The following RABGAP1L variants were observed in gnomAD, a reference collection of about 807,000 sequenced individuals.
The protein encoded by RABGAP1L is rab GTPase-activating protein 1-like.
In RABGAP1L, 63 loss-of-function variants were observed where a neutral mutation model predicts 137.7. The ratio of observed to expected loss-of-function variants is 0.46; its 90% CI spans 0.37 to 0.56. RABGAP1L has a LOEUF of 0.56. Ranked by LOEUF, RABGAP1L falls within the 20% of genes least tolerant of loss-of-function variation. The pLI, the probability that RABGAP1L is intolerant of heterozygous loss-of-function variation, is 0.00. For synonymous variants in RABGAP1L, 431 were observed against 433.7 expected (o/e 0.99, Z 0.08); for missense variants, 1,095 against 1,244.0 (o/e 0.88, Z 1.80).
intron 1 of RABGAP1L, among the ~76,000 whole-genome samples, chr1:174,183,504 A>G (rs1484599479): frequency 6.6e-6 from 1 of 152,242 alleles, no homozygotes; most frequent in Non-Finnish European, 1.5e-5. Flanking sequence ...AAGTACAGAC[A>G]GTTCCTGCAT....
chr1:174,375,006 T>G (rs1025349750), intron 12 of RABGAP1L, among the ~76,000 whole-genome samples: 2 of 152,176 alleles, frequency 1.3e-5, no homozygotes, highest in African/African-American at 4.8e-5. Context: ...TCTTGATTCT[T>G]AGATGAAATT....
intron 13 of RABGAP1L, among the ~76,000 whole-genome samples, chr1:174,406,982 C>T (rs1193567654): frequency 6.6e-6 from 1 of 152,182 alleles, no homozygotes; most frequent in Admixed American, 6.5e-5. Context: ...TTGACATTAG[C>T]ACATATTTCT....
In RABGAP1L at chr1:174,548,047, G is replaced by A. The variant is rs528924511; in HGVS notation, c.1711-89328G>A. ...ACACCAACTTATTAAGAGGCTTAATGCCTGTTAAATGCGTCAGTGCTCTTG... is the reference window on the plus strand; with the variant it reads ...ACACCAACTTATTAAGAGGCTTAATACCTGTTAAATGCGTCAGTGCTCTTG... On this transcript the variant is annotated intron_variant, in intron 13 of 25. Coordinates refer to ENST00000681986, the MANE Select transcript of RABGAP1L (RefSeq NM_001366446.1). 7.1e-6 allele frequency: 11 copies of A among 1,550,488 alleles called. No homozygotes were observed. In the South Asian group the frequency reaches 1.2e-4, roughly 17 times the overall value.
At chr1:174,674,362 T>C (rs1251009665) in intron 14 of RABGAP1L, among the ~76,000 whole-genome samples, 1 of 150,572 alleles carries the variant, frequency 6.6e-6, no homozygotes, top group Non-Finnish European at 1.5e-5. Flanking sequence ...CTTGCGATAG[T>C]TTACTGAGAA....
At chr1:174,643,997 C>G (rs1414109615) in intron 14 of RABGAP1L, among the ~76,000 whole-genome samples, 1 of 151,622 alleles carries the variant, frequency 6.6e-6, no homozygotes, top group African/African-American at 2.4e-5. Context: ...ACCCTTTACT[C>G]ACAAGATTTC....
intron 13 of RABGAP1L, among the ~76,000 whole-genome samples, chr1:174,552,013 T>C (rs977003919): frequency 1.3e-5 from 2 of 152,198 alleles, no homozygotes; most frequent in Admixed American, 6.5e-5. Flanking sequence ...TATTTAACCA[T>C]TGAAGAAATT....
In RABGAP1L at chr1:174,761,158, A is replaced by C. The variant is rs1045284398; in HGVS notation, c.2211+8804A>C. 5.9e-5 allele frequency among the ~76,000 whole-genome samples: 9 copies of C among 152,254 alleles called. No individual in the cohort carries two copies. The highest frequency in any genetic ancestry group is 1.3e-4 in the Admixed American group (2 of 15,292). ...AGGACGGCAAGGAGGAGCAAGTCAC[A>C]TCCAACATGGATGGCAGCAGACAAA... On this transcript the variant is annotated intron_variant, in intron 18 of 25. Coordinates refer to ENST00000681986, the MANE Select transcript of RABGAP1L (RefSeq NM_001366446.1). The surrounding 1 kb of genome is among the most constrained non-coding windows in gnomAD (Gnocchi z 4.0).
At chr1:174,812,130 G>A (rs1689934331) in intron 19 of RABGAP1L, among the ~76,000 whole-genome samples, 170 bp downstream of exon 19, 2 of 152,172 alleles carry the variant, frequency 1.3e-5, no homozygotes, top group African/African-American at 4.8e-5. Flanking sequence ...GTGTATAGTA[G>A]CTGTACCTTC....
At chr1:174,910,515 A>G (rs143647751) in intron 19 of RABGAP1L, among the ~76,000 whole-genome samples, 2 of 152,312 alleles carry the variant, frequency 1.3e-5, no homozygotes, top group Non-Finnish European at 2.9e-5. Flanking sequence ...AAGGATGCCC[A>G]CTTATACCAC....
intron 1 of RABGAP1L, among the ~76,000 whole-genome samples, chr1:174,164,608 T>C (rs1162685053): frequency 6.6e-6 from 1 of 152,238 alleles, no homozygotes; most frequent in African/African-American, 2.4e-5. Context: ...AAATTGGTCA[T>C]GGTGGGAATA....
chr1:174,458,448 G>A (rs1453943850), intron 13 of RABGAP1L, among the ~76,000 whole-genome samples: 1 of 151,916 alleles, frequency 6.6e-6, no homozygotes, highest in Middle Eastern at 3.2e-3. Flanking sequence ...TTTGCTAAAG[G>A]ATCTCATACG....
intron 19 of RABGAP1L, among the ~76,000 whole-genome samples, chr1:174,878,278 G>A (rs186181127): frequency 1.8e-4 from 28 of 152,268 alleles, no homozygotes; most frequent in African/African-American, 6.5e-4. Context: ...CCAGGTTGGA[G>A]TGCAATGGCA....
chr1:174,475,801 T>G (rs1165196925), intron 13 of RABGAP1L, among the ~76,000 whole-genome samples: 19 of 111,904 alleles, frequency 1.7e-4, no homozygotes, highest in Admixed American at 2.8e-4. Flanking sequence ...AAAAAAAAGG[T>G]CAGATCTTTG....
At chr1:174,383,104 G>A (rs1444425873) in intron 12 of RABGAP1L, among the ~76,000 whole-genome samples, 2 of 150,710 alleles carry the variant, frequency 1.3e-5, no homozygotes, top group African/African-American at 2.5e-5. Context: ...GGCTGCTCGG[G>A]GGTCAGGGGT....
intron 12 of RABGAP1L, among the ~76,000 whole-genome samples, chr1:174,377,346 A>C (rs1408740411): frequency 1.3e-5 from 2 of 152,166 alleles, no homozygotes; most frequent in Admixed American, 1.3e-4. Flanking sequence ...AGCAACCAAC[A>C]AGCTGATTTT....
chr1:174,947,163 T>C (rs140938683), intron 19 of RABGAP1L, among the ~76,000 whole-genome samples: 1 of 150,742 alleles, frequency 6.6e-6, no homozygotes, highest in Non-Finnish European at 1.5e-5. Flanking sequence ...ATTATATAGC[T>C]AGTATTTGGC....
chr1:174,723,019 T>C (rs1681698258), intron 17 of RABGAP1L, among the ~76,000 whole-genome samples: 1 of 152,148 alleles, frequency 6.6e-6, no homozygotes, highest in African/African-American at 2.4e-5. Context: ...AGTGATTCAA[T>C]ACAAATAAGA....
chr1:174,402,929 T>C (rs1648780664), intron 13 of RABGAP1L, among the ~76,000 whole-genome samples: 2 of 152,194 alleles, frequency 1.3e-5, no homozygotes, highest in South Asian at 4.1e-4. Context: ...ACTGTGTGTG[T>C]ACTTTCAGTA....
chr1:174,431,104 T>C (rs1349356914), intron 13 of RABGAP1L, among the ~76,000 whole-genome samples: 2 of 152,188 alleles, frequency 1.3e-5, no homozygotes, highest in African/African-American at 4.8e-5. Context: ...CCAACACTTC[T>C]TACCTATAAT....
Sources: gnomAD v4.1 joint callset for allele counts (sites outside exome capture counted in the v4.1 genomes callset) on GRCh38, gnomAD v4.1.1 for gene constraint, Gnocchi (gnomAD v3.1) non-coding constraint, MANE v1.5 for transcripts, NCBI Gene and HGNC (gene_info 2026-07-23, HGNC 2026-07-21) for gene names.